Variants in REDIC1 observed in about 807,000 individuals in gnomAD.
REDIC1 encodes HEI10 Interacting Protein 1.
the REDIC1 span, chr12:39,646,751 G>T: frequency 3.5e-6 from 3 of 857,712 alleles, no homozygotes; most frequent in Non-Finnish European, 5.3e-6. Flanking sequence ...TATATGTTTT[G>T]TGTAGAACAG....
chr12:39,693,192 C>T, the REDIC1 span, among the ~76,000 whole-genome samples: 4 of 152,044 alleles, frequency 2.6e-5, no homozygotes, highest in African/African-American at 9.7e-5. Flanking sequence ...GTAGCAAATA[C>T]TTCATGTTTG....
At chr12:39,713,096 T>A in the REDIC1 span, among the ~76,000 whole-genome samples, 21 of 149,350 alleles carry the variant, frequency 1.4e-4, no homozygotes, top group East Asian at 2.0e-3. Flanking sequence ...TGTGTAGATA[T>A]GTGCATATAC....
At chr12:39,882,095 C>T in the REDIC1 span, among the ~76,000 whole-genome samples, 26 of 152,276 alleles carry the variant, frequency 1.7e-4, no homozygotes, top group South Asian at 1.0e-3. Flanking sequence ...TTATTCCAGA[C>T]ACTGCTTCTT....
the REDIC1 span, among the ~76,000 whole-genome samples, chr12:39,739,257 A>G: frequency 2.6e-5 from 4 of 152,188 alleles, no homozygotes; most frequent in African/African-American, 9.6e-5. Context: ...TAGAGGACCT[A>G]CCATATGGAA....
At chr12:39,715,144 A>G in the REDIC1 span, among the ~76,000 whole-genome samples, 4 of 151,938 alleles carry the variant, frequency 2.6e-5, no homozygotes, top group African/African-American at 4.8e-5. Context: ...GCCTAAGCCA[A>G]TGTCTAGAAG....
At chr12:39,653,558 T>TTCTTCTTCTTCTTCTTCTTCTTCTTC in the REDIC1 span, among the ~76,000 whole-genome samples, 4 of 43,880 alleles carry the variant, frequency 9.1e-5, no homozygotes, top group Non-Finnish European at 1.6e-4. Context: ...CTTCTTCTTC[T>TTCTTCTTCTTCTTCTTCTTCTTCTTC]TTCTTCTTCT....
At chr12:39,812,917 C>T in the REDIC1 span, among the ~76,000 whole-genome samples, 3 of 146,312 alleles carry the variant, frequency 2.1e-5, no homozygotes, top group South Asian at 6.6e-4. Flanking sequence ...GCAACCTCTG[C>T]CTCCTGGGTT....
chr12:39,772,610 A>G, the REDIC1 span, among the ~76,000 whole-genome samples: 2 of 152,204 alleles, frequency 1.3e-5, no homozygotes, highest in Admixed American at 6.5e-5. Flanking sequence ...AGGAAAGAAA[A>G]AAGAGAAGAA....
At chr12:39,717,337 G>T in the REDIC1 span, among the ~76,000 whole-genome samples, 55 of 151,770 alleles carry the variant, frequency 3.6e-4, no homozygotes, top group African/African-American at 1.1e-3. Context: ...CACATATTTT[G>T]TATGTTGTAT....
At chr12:39,646,340 A>T in the REDIC1 span, 3 of 1,299,842 alleles carry the variant, frequency 2.3e-6, no homozygotes, top group Non-Finnish European at 3.0e-6. Flanking sequence ...AACTGTGAGA[A>T]AACCAACCCA....
the REDIC1 span, among the ~76,000 whole-genome samples, chr12:39,886,448 G>T: frequency 1.3e-5 from 2 of 152,028 alleles, no homozygotes; most frequent in African/African-American, 4.8e-5. Context: ...TATGAAGTGT[G>T]ATCTGAAGAA....
At chr12:39,815,830 A>G in the REDIC1 span, among the ~76,000 whole-genome samples, 1 of 152,248 alleles carries the variant, frequency 6.6e-6, no homozygotes, top group Non-Finnish European at 1.5e-5. Flanking sequence ...AGCACAGTAC[A>G]ACATTCTATA....
the REDIC1 span, among the ~76,000 whole-genome samples, chr12:39,762,340 A>G: frequency 2.0e-4 from 30 of 151,310 alleles, no homozygotes; most frequent in Non-Finnish European, 2.5e-4. Flanking sequence ...TTATTCTTCT[A>G]AGGATTTAAA....
chr12:39,891,455 T>C, the REDIC1 span, among the ~76,000 whole-genome samples: 116 of 152,244 alleles, frequency 7.6e-4, no homozygotes, highest in Middle Eastern at 0.01. Context: ...CCAAAAAAGA[T>C]TGGAGGCTTG....
chr12:39,748,478 T>A, the REDIC1 span, among the ~76,000 whole-genome samples: 5 of 152,120 alleles, frequency 3.3e-5, no homozygotes, highest in African/African-American at 1.2e-4. Flanking sequence ...ATGGGAGAGT[T>A]TAACACCCCA....
chr12:39,835,192 G>C, the REDIC1 span, among the ~76,000 whole-genome samples: 1 of 152,002 alleles, frequency 6.6e-6, no homozygotes, highest in Non-Finnish European at 1.5e-5. Flanking sequence ...TCCACAGTGT[G>C]ACCTGGACTA....
chr12:39,784,197 C>T, the REDIC1 span, among the ~76,000 whole-genome samples: 1 of 152,172 alleles, frequency 6.6e-6, no homozygotes, highest in Non-Finnish European at 1.5e-5. Flanking sequence ...CTACCAATGA[C>T]TTTCTTCACA....
chr12:39,651,203 T>G, the REDIC1 span, among the ~76,000 whole-genome samples: 1 of 152,308 alleles, frequency 6.6e-6, no homozygotes, highest in South Asian at 2.1e-4. Flanking sequence ...AATGATATAC[T>G]GTTAAAAGTT....
the REDIC1 span, among the ~76,000 whole-genome samples, chr12:39,653,558 T>TTTTTC: frequency 3.8e-3 from 166 of 43,462 alleles, no homozygotes; most frequent in South Asian, 5.6e-3. Context: ...CTTCTTCTTC[T>TTTTTC]TTCTTCTTCT....
Sources: gnomAD v4.1 joint callset for allele counts (sites outside exome capture counted in the v4.1 genomes callset) on GRCh38, gnomAD v4.1.1 for gene constraint, MANE v1.5 for transcripts, NCBI Gene and HGNC (gene_info 2026-07-23, HGNC 2026-07-21) for gene names.